SLC41A2: variants seen among roughly 807,000 people sequenced by gnomAD.
The protein encoded by SLC41A2 is SLC41A1-like 1.
SLC41A2 carries 32 observed loss-of-function variants against 58.3 expected under a neutral mutation model. That is an observed-to-expected ratio of 0.55 (90% CI 0.41 to 0.74). The LOEUF is 0.74. SLC41A2 is among the 30% of genes least tolerant of loss of function. The probability of loss-of-function intolerance (pLI) is 0.00; values close to 1 mark genes in which losing one functional copy is unlikely to be tolerated. For missense variants in SLC41A2, 514 were observed against 680.6 expected (o/e 0.76, Z 2.72); for synonymous variants, 190 against 235.0 (o/e 0.81, Z 1.75).
At position 104,928,516 on chromosome 12, in the gene SLC41A2, A is replaced by G. The variant is rs747020020; in HGVS notation, c.12T>C (p.Ser4=). The change falls in exon 2 of 11, where the codon AGT becomes AGC. Residue 4 remains serine, a synonymous_variant. Transcript: ENST00000258538. The part of the protein sequence containing the change: MTN[S]KGRSITDKTS... ...TTTTATCGGTAATAGATCTTCCTTT[A>G]CTATTAGTCATATTGTCATCACAAA... 2.5e-5 allele frequency: 37 copies of G among 1,501,862 alleles called. No homozygotes were observed. Among genetic ancestry groups the G allele is most frequent in the Admixed American group, 1.4e-4 (6 of 42,546 alleles). The allele number at this position is 1,501,862 out of a possible 1,614,324, so 93.0% of individuals were successfully genotyped here.
At chr12:104,930,077 A>C (rs2046994772) in intron 1 of SLC41A2, among the ~76,000 whole-genome samples, 1 of 152,194 alleles carries the variant, frequency 6.6e-6, no homozygotes, top group Non-Finnish European at 1.5e-5. Context: ...TCTGAGGAAC[A>C]TTTTTAAAAT....
At chr12:104,874,952 C>A (rs532150425) in intron 6 of SLC41A2, among the ~76,000 whole-genome samples, 1 of 152,232 alleles carries the variant, frequency 6.6e-6, no homozygotes, top group East Asian at 1.9e-4. Flanking sequence ...GATACTAATT[C>A]TTCCAATCCA....
At position 104,853,590 on chromosome 12, in the gene SLC41A2, T is replaced by C. The variant is rs747175916; in HGVS notation, c.1256-7616A>G. ...AGGGTAGGCATATTTACCTCCCTAG[T>C]CCCTAATCCATTACCTTTACCATTT... On this transcript the variant is annotated intron_variant, in intron 8 of 10. Coordinates refer to ENST00000258538, the MANE Select transcript of SLC41A2 (RefSeq NM_001352171.3). Among the ~76,000 whole-genome samples the C allele has an allele frequency of 3.2e-4, 49 of 152,250 alleles. No homozygotes were observed. In the Middle Eastern group the frequency reaches 0.01, roughly 32 times the overall value.
chr12:104,868,784 T>C lies in SLC41A2; in HGVS notation c.1028-2205A>G, dbSNP rs547334630. On this transcript the variant is annotated intron_variant, in intron 6 of 10. Transcript: ENST00000258538. ...ATTACTTGGCCATTTCATTAATCCA[T>C]ACAATTGGATGTTACTCTGCACTTC... Among the ~76,000 whole-genome samples the C allele has an allele frequency of 1.1e-4, 17 of 152,304 alleles. No individual in the cohort carries two copies. In the South Asian group the frequency reaches 3.1e-3, roughly 28 times the overall value.
chr12:104,863,030 C>T (rs1030907525), intron 7 of SLC41A2, among the ~76,000 whole-genome samples: 13 of 152,060 alleles, frequency 8.5e-5, no homozygotes, highest in Admixed American at 3.3e-4. Flanking sequence ...CCAACATCTC[C>T]GCAACCCAGC....
chr12:104,937,545 A>G (rs2047333138), intron 1 of SLC41A2, among the ~76,000 whole-genome samples: 1 of 152,214 alleles, frequency 6.6e-6, no homozygotes, highest in Non-Finnish European at 1.5e-5. Context: ...AGGCTCTACC[A>G]TCTAGGTTTG....
intron 1 of SLC41A2, among the ~76,000 whole-genome samples, chr12:104,935,856 A>G (rs773752732): frequency 6.6e-6 from 1 of 152,178 alleles, no homozygotes; most frequent in Non-Finnish European, 1.5e-5. Context: ...CAGCCTGGCC[A>G]ACACGGCGAA....
intron 1 of SLC41A2, among the ~76,000 whole-genome samples, chr12:104,950,545 G>A (rs980193633): frequency 3.3e-5 from 5 of 152,104 alleles, no homozygotes; most frequent in Non-Finnish European, 5.9e-5. Flanking sequence ...ATAGCACTGT[G>A]AGAACGGACT....
At chr12:104,937,988 G>A (rs60096703) in intron 1 of SLC41A2, among the ~76,000 whole-genome samples, 5,821 of 152,238 alleles carry the variant, frequency 0.038, 154 homozygotes, top group East Asian at 0.1. Context: ...TACCAAAACT[G>A]AGAGGCATGT....
chr12:104,946,015 T>C (rs1446028095), intron 1 of SLC41A2, among the ~76,000 whole-genome samples: 1 of 152,190 alleles, frequency 6.6e-6, no homozygotes, highest in Non-Finnish European at 1.5e-5. Context: ...GGTATGATTT[T>C]CCCCCATGAA....
chr12:104,882,415 G>A (rs1423062927), intron 6 of SLC41A2, among the ~76,000 whole-genome samples: 3 of 152,064 alleles, frequency 2.0e-5, no homozygotes, highest in Admixed American at 6.6e-5. Flanking sequence ...TCATAGCATC[G>A]ATGGTATTTA....
At chr12:104,943,792 C>G (rs895761341) in intron 1 of SLC41A2, among the ~76,000 whole-genome samples, 1 of 152,176 alleles carries the variant, frequency 6.6e-6, no homozygotes, top group Non-Finnish European at 1.5e-5. Flanking sequence ...TGACCGCATC[C>G]ACCTTTAAAC....
At chr12:104,852,743 A>C (rs2042848017) in intron 8 of SLC41A2, among the ~76,000 whole-genome samples, 1 of 152,184 alleles carries the variant, frequency 6.6e-6, no homozygotes, top group Non-Finnish European at 1.5e-5. Flanking sequence ...TAATTATTGA[A>C]GGGGCTAATT....
chr12:104,813,278 A>G (rs568510755), intron 10 of SLC41A2, among the ~76,000 whole-genome samples: 1 of 152,290 alleles, frequency 6.6e-6, no homozygotes, highest in South Asian at 2.1e-4. Context: ...AAAAAGAGAT[A>G]AAGGGAAAGA....
At chr12:104,936,525 C>T (rs1422925202) in intron 1 of SLC41A2, among the ~76,000 whole-genome samples, 2 of 152,116 alleles carry the variant, frequency 1.3e-5, no homozygotes, top group Non-Finnish European at 2.9e-5. Context: ...CGGCAGAAGG[C>T]AAGGAGGAGG....
intron 6 of SLC41A2, among the ~76,000 whole-genome samples, chr12:104,875,895 A>C (rs1301798599): frequency 6.6e-6 from 1 of 152,212 alleles, no homozygotes; most frequent in Non-Finnish European, 1.5e-5. Context: ...TGTTTGGTAG[A>C]ATTCAGCCAT....
rs935653957 is a variant in SLC41A2, at chr12:104,832,748, G to GA, written c.1536+11723dup. Among the ~76,000 whole-genome samples, 576 of 146,486 alleles carry GA rather than the reference G, an allele frequency of 3.9e-3. 7 individuals are homozygous for GA. The highest frequency in any genetic ancestry group is 0.013 in the African/African-American group (507 of 40,110). ...AAGCAACTTATATCTAAGCTAAAAA[G>GA]AAAAAAAAAAGGCAGTCAAGCTACC... is the stretch of plus-strand genomic sequence containing the variant. On this transcript the variant is annotated intron_variant, in intron 10 of 10. Transcript: ENST00000258538.
chr12:104,936,002 C>A (rs1477996752), intron 1 of SLC41A2, among the ~76,000 whole-genome samples: 1 of 151,204 alleles, frequency 6.6e-6, no homozygotes, highest in Non-Finnish European at 1.5e-5. Context: ...AAGGTTACAC[C>A]ACTGCACTCC....
At chr12:104,889,737 G>A (rs1000093863) in intron 4 of SLC41A2, among the ~76,000 whole-genome samples, 1 of 152,260 alleles carries the variant, frequency 6.6e-6, no homozygotes, top group East Asian at 1.9e-4. Context: ...TGGTCAGTGG[G>A]AGAGACAAAC....
Sources: gnomAD v4.1 joint callset for allele counts (sites outside exome capture counted in the v4.1 genomes callset) on GRCh38, gnomAD v4.1.1 for gene constraint, MANE v1.5 for transcripts, NCBI Gene and HGNC (gene_info 2026-07-23, HGNC 2026-07-21) for gene names.